The following KIZ variants were observed in gnomAD, a reference collection of about 807,000 sequenced individuals.
KIZ encodes kizuna centrosomal protein.
KIZ carries 68 observed loss-of-function variants against 79.6 expected under a neutral mutation model. The observed-to-expected ratio is 0.85, with a 90% CI of 0.70 to 1.05. The LOEUF (loss-of-function observed/expected upper bound fraction) is 1.05, where lower values mean the gene tolerates loss of function less well. Ranked by LOEUF, KIZ falls within the 50% of genes least tolerant of loss-of-function variation. KIZ has a pLI of 0.00. For synonymous variants in KIZ, 280 were observed against 281.8 expected, an observed-to-expected ratio of 0.99 and a Z score of 0.06; for missense variants, 797 against 800.4, an observed-to-expected ratio of 1.00 and a Z score of 0.05.
intron 10 of KIZ, among the ~76,000 whole-genome samples, chr20:21,230,887 A>G (rs1391443211): frequency 6.6e-6 from 1 of 152,222 alleles, no homozygotes; most frequent in East Asian, 1.9e-4. Context: ...AATGTATTCA[A>G]CACTCCCATT....
intron 6 of KIZ, among the ~76,000 whole-genome samples, chr20:21,169,906 A>G (rs1022278952): frequency 1.3e-5 from 2 of 152,072 alleles, no homozygotes; most frequent in Admixed American, 6.6e-5. Context: ...TTCATAGCTT[A>G]TTTATTTTTA....
At position 21,170,986 on chromosome 20, in the gene KIZ, A is replaced by G. The variant is rs1989242; in HGVS notation, c.1352+7827A>G. 0.011 allele frequency among the ~76,000 whole-genome samples: 1,626 copies of G among 152,296 alleles called. 90 individuals carry two copies. The East Asian group carries it at 0.17, about 16-fold the overall frequency. Reference sequence around the variant, plus strand: ...TTTCTATGGCTAAATAGGTAAGTCTATGGTTACCTTTGTAAGAAACTGCTG... The same window carrying G: ...TTTCTATGGCTAAATAGGTAAGTCTGTGGTTACCTTTGTAAGAAACTGCTG... On this transcript the variant is annotated intron_variant, in intron 6 of 12. Coordinates refer to ENST00000619189, the MANE Select transcript of KIZ (RefSeq NM_018474.6).
At chr20:21,193,848 A>G (rs2035220254) in intron 6 of KIZ, among the ~76,000 whole-genome samples, 1 of 103,894 alleles carries the variant, frequency 9.6e-6, no homozygotes, top group Admixed American at 1.4e-4. Context: ...CACACTGGGG[A>G]CTGTTGTGGG....
chr20:21,166,632 T>C, intron 6 of KIZ: 1 of 991,668 alleles, frequency 1.0e-6, no homozygotes, highest in Non-Finnish European at 1.5e-6. Flanking sequence ...TATTTTTTTT[T>C]TTTTTTGGAG....
intron 9 of KIZ, among the ~76,000 whole-genome samples, chr20:21,227,990 A>G (rs556132045): frequency 1.3e-5 from 2 of 152,318 alleles, no homozygotes; most frequent in South Asian, 4.1e-4. Flanking sequence ...CCAAAGTATA[A>G]TGTTCATTTT....
intron 9 of KIZ, among the ~76,000 whole-genome samples, chr20:21,220,781 A>G (rs2123359037): frequency 6.6e-6 from 1 of 152,302 alleles, no homozygotes; most frequent in South Asian, 2.1e-4. Flanking sequence ...CGCCCGGCCT[A>G]CCCTGCCTTT....
chr20:21,221,287 C>G (rs1230769208), intron 9 of KIZ, among the ~76,000 whole-genome samples: 1 of 152,168 alleles, frequency 6.6e-6, no homozygotes, highest in Non-Finnish European at 1.5e-5. Context: ...CATAAAAATA[C>G]AGCACCTAGC....
chr20:21,160,933 T>A (rs1600413116), intron 4 of KIZ: 1 of 154,152 alleles, frequency 6.5e-6, no homozygotes, highest in African/African-American at 2.4e-5. Context: ...GATCTTGGAC[T>A]TCCCAGCCTC....
At chr20:21,166,500 C>G in intron 6 of KIZ, 1 of 1,561,454 alleles carries the variant, frequency 6.4e-7, no homozygotes, top group Non-Finnish European at 8.8e-7. Flanking sequence ...CGGACGATGA[C>G]TTTGGAGCAC....
intron 6 of KIZ, among the ~76,000 whole-genome samples, chr20:21,185,562 A>C (rs536647051): frequency 6.6e-6 from 1 of 151,484 alleles, no homozygotes; most frequent in African/African-American, 2.4e-5. Flanking sequence ...GGCAGCCACC[A>C]CCACACCCGG....
intron 3 of KIZ, among the ~76,000 whole-genome samples, chr20:21,139,643 T>A (rs1197313624): frequency 2.6e-5 from 4 of 152,112 alleles, no homozygotes; most frequent in Non-Finnish European, 5.9e-5. Flanking sequence ...ATAACCAAAT[T>A]TGAGAGGAAG....
chr20:21,161,938 T>C lies in KIZ; in HGVS notation c.473T>C (p.Ile158Thr), dbSNP rs769377970. The C allele has an allele frequency of 6.2e-6, 10 of 1,613,662 alleles. No homozygotes were observed. The Admixed American group carries it at 1.2e-4, about 19-fold the overall frequency. The change falls in exon 5 of 13, where the codon ATC (isoleucine) becomes ACC (threonine). Residue 158 changes from isoleucine to threonine, a missense_variant. Transcript: ENST00000619189. ...MSRGLYQPATIFMGRQMSAIL... is the reference protein window; with the variant it reads ...MSRGLYQPATTFMGRQMSAIL... ...AGAGGATTGTATCAACCAGCAACAA[T>C]CTTTATGGGCCGCCAAATGTCAGCC...
At chr20:21,150,560 CTG>C (rs1462697983) in intron 4 of KIZ, among the ~76,000 whole-genome samples, 1 of 152,254 alleles carries the variant, frequency 6.6e-6, no homozygotes, top group Non-Finnish European at 1.5e-5. Context: ...AGTAGCCTCT[CTG>C]TGTTCAGCTG....
intron 6 of KIZ, among the ~76,000 whole-genome samples, chr20:21,204,083 A>G (rs1024810195): frequency 6.7e-6 from 1 of 148,866 alleles, no homozygotes; most frequent in Non-Finnish European, 1.5e-5. Context: ...TTAGCAGCAC[A>G]ATCCCCTTAA....
At chr20:21,215,135 A>G (rs1402253911) in intron 8 of KIZ, among the ~76,000 whole-genome samples, 1 of 152,242 alleles carries the variant, frequency 6.6e-6, no homozygotes, top group Non-Finnish European at 1.5e-5. Context: ...TTAAGAATCA[A>G]TGAATTTATG....
chr20:21,167,995 T>C (rs1356545560), intron 6 of KIZ, among the ~76,000 whole-genome samples: 1 of 152,188 alleles, frequency 6.6e-6, no homozygotes, highest in East Asian at 1.9e-4. Flanking sequence ...TATGTATACA[T>C]GTGCCATGTT....
At chr20:21,184,146 C>CTTTT (rs545005735) in intron 6 of KIZ, among the ~76,000 whole-genome samples, 8 of 137,710 alleles carry the variant, frequency 5.8e-5, no homozygotes, top group Non-Finnish European at 1.3e-4. Flanking sequence ...TCCCTGACAT[C>CTTTT]TTTTTTTTTT....
intron 6 of KIZ, among the ~76,000 whole-genome samples, chr20:21,179,884 CT>C (rs1300525324): frequency 1.1e-4 from 17 of 152,258 alleles, no homozygotes; most frequent in Non-Finnish European, 2.9e-5. Flanking sequence ...TTTGCTTCTG[CT>C]ATTGATTTCT....
At chr20:21,244,432 G>C in intron 12 of KIZ, 144 bp downstream of exon 12, 2 of 650,376 alleles carry the variant, frequency 3.1e-6, no homozygotes, top group Middle Eastern at 5.1e-4. Flanking sequence ...CCCTGGGGTG[G>C]AACCTGAGGG....
Sources: allele counts gnomAD v4.1 joint callset (sites outside exome capture counted in the v4.1 genomes callset), GRCh38; gene constraint gnomAD v4.1.1; transcripts MANE v1.5; gene names NCBI Gene and HGNC (gene_info 2026-07-23, HGNC 2026-07-21).